SCOC: variants seen among roughly 807,000 people sequenced by gnomAD.
The protein encoded by SCOC is short coiled coil protein.
In SCOC, 7 loss-of-function variants were observed where a neutral mutation model predicts 9.9. The observed-to-expected ratio is 0.71, with a 90% CI of 0.40 to 1.33. SCOC has a LOEUF of 1.33. SCOC is among the 40% of genes most tolerant of loss of function. SCOC has a pLI of 0.01. For synonymous variants in SCOC, 19 were observed against 28.2 expected, an observed-to-expected ratio of 0.67 and a Z score of 1.03; for missense variants, 66 against 89.7, an observed-to-expected ratio of 0.74 and a Z score of 1.07.
At chr4:140,299,691 A>T (rs1305558824) in intron 1 of SCOC, among the ~76,000 whole-genome samples, 2 of 152,178 alleles carry the variant, frequency 1.3e-5, no homozygotes, top group Non-Finnish European at 2.9e-5. Context: ...TCTTTTTATT[A>T]TTTATGAGAC....
At chr4:140,351,679 C>T (rs950268135) in intron 2 of SCOC, among the ~76,000 whole-genome samples, 1 of 151,734 alleles carries the variant, frequency 6.6e-6, no homozygotes, top group South Asian at 2.1e-4. Context: ...GAAAGCAGCC[C>T]GGGTTTGAAA....
Position 140,381,246 on chromosome 4 carries a change from A to G in SCOC, c.*142A>G, listed in dbSNP as rs1728563443. ...TGTCAGATGTAGACAAAAATAACAC[A>G]ATAACAGGAGACTTCCATAAGTTTG... is the stretch of plus-strand genomic sequence containing the variant. On this transcript the variant is annotated 3_prime_UTR_variant, in exon 4 of 4. Transcript: ENST00000608372. 1.4e-6 allele frequency: 1 copy of G among 739,038 alleles called. No homozygotes were observed. The highest frequency in any genetic ancestry group is 2.1e-6 in the Non-Finnish European group (1 of 474,992). The allele number at this position is 739,038 out of a possible 1,614,324, so 45.8% of individuals were successfully genotyped here.
intron 1 of SCOC, among the ~76,000 whole-genome samples, chr4:140,295,882 G>A (rs1291320314): frequency 7.4e-6 from 1 of 134,534 alleles, no homozygotes; most frequent in Non-Finnish European, 1.5e-5. Flanking sequence ...AGTGAGCCAA[G>A]ATCGCTCCAC....
intron 1 of SCOC, among the ~76,000 whole-genome samples, chr4:140,311,757 C>G (rs1361386635): frequency 6.6e-6 from 1 of 152,028 alleles, no homozygotes; most frequent in Non-Finnish European, 1.5e-5. Flanking sequence ...ACATTTCTTA[C>G]CTGGGAAATT....
chr4:140,290,409 G>A (rs1731437372), intron 1 of SCOC, among the ~76,000 whole-genome samples: 1 of 152,170 alleles, frequency 6.6e-6, no homozygotes, highest in Non-Finnish European at 1.5e-5. Context: ...ATTGTGGAGG[G>A]TGGGCTCCCT....
intron 1 of SCOC, among the ~76,000 whole-genome samples, chr4:140,260,680 A>G (rs998533031): frequency 2.0e-5 from 3 of 152,194 alleles, no homozygotes; most frequent in African/African-American, 4.8e-5. Context: ...TTTAAAATGT[A>G]GGCTTCCAGG....
At chr4:140,323,943 G>C (rs767641905) in intron 1 of SCOC, among the ~76,000 whole-genome samples, 6 of 151,852 alleles carry the variant, frequency 4.0e-5, no homozygotes, top group Non-Finnish European at 8.8e-5. Flanking sequence ...CCCAAGATAC[G>C]TCATGAAAAT....
chr4:140,277,406 T>A (rs1199142291), intron 1 of SCOC, among the ~76,000 whole-genome samples: 1 of 152,200 alleles, frequency 6.6e-6, no homozygotes, highest in Admixed American at 6.5e-5. Flanking sequence ...AATCTTTTAT[T>A]AAAACTCTAA....
At chr4:140,335,563 C>T (rs1203305766) in intron 1 of SCOC, among the ~76,000 whole-genome samples, 1 of 152,130 alleles carries the variant, frequency 6.6e-6, no homozygotes, top group Non-Finnish European at 1.5e-5. Flanking sequence ...AGAAAGAGAA[C>T]CTTTTATACC....
intron 1 of SCOC, among the ~76,000 whole-genome samples, chr4:140,336,105 T>C (rs1732949697): frequency 6.6e-6 from 1 of 152,192 alleles, no homozygotes; most frequent in South Asian, 2.1e-4. Context: ...AATTGTAAAG[T>C]AGTTACAATT....
intron 2 of SCOC, among the ~76,000 whole-genome samples, chr4:140,355,630 T>C (rs1368199940): frequency 2.0e-5 from 3 of 152,226 alleles, no homozygotes; most frequent in Non-Finnish European, 4.4e-5. Flanking sequence ...TAATGAAATA[T>C]GGTCCTCTAG....
chr4:140,290,059 G>C (rs1411300825), intron 1 of SCOC, among the ~76,000 whole-genome samples: 1 of 152,224 alleles, frequency 6.6e-6, no homozygotes, highest in African/African-American at 2.4e-5. Context: ...GGCCAGCCCA[G>C]AGTCTCTTCT....
upstream of SCOC, chr4:140,343,414 T>C: frequency 2.2e-6 from 1 of 459,958 alleles, no homozygotes; most frequent in Non-Finnish European, 4.0e-6. Context: ...CGGTCAAGGG[T>C]TGTAAGTCAT....
At chr4:140,312,129 A>G (rs1357086807) in intron 1 of SCOC, among the ~76,000 whole-genome samples, 1 of 152,168 alleles carries the variant, frequency 6.6e-6, no homozygotes, top group Non-Finnish European at 1.5e-5. Flanking sequence ...AACATTTCTT[A>G]GCTGCTTTTA....
intron 2 of SCOC, among the ~76,000 whole-genome samples, chr4:140,356,464 C>A (rs1280160067): frequency 6.6e-6 from 1 of 152,190 alleles, no homozygotes; most frequent in Admixed American, 6.5e-5. Context: ...CAAAAAGTAT[C>A]ATTTTAAAAT....
chr4:140,288,007 G>T (rs997711393), intron 1 of SCOC, among the ~76,000 whole-genome samples: 1 of 151,726 alleles, frequency 6.6e-6, no homozygotes, highest in Non-Finnish European at 1.5e-5. Flanking sequence ...CACCACACAT[G>T]TACATACACC....
chr4:140,375,271 A>G (rs1421518554), intron 1 of SCOC, among the ~76,000 whole-genome samples: 1 of 152,240 alleles, frequency 6.6e-6, no homozygotes, highest in Non-Finnish European at 1.5e-5. Context: ...GCTAAAAGGT[A>G]GAGAAGACGA....
rs549401688 is a variant in SCOC at position 140,287,655 on chromosome 4, C to G, written c.-19+30245C>G. ...ACATGCCACACAGAGTATGCAGGTA[C>G]ATATACCACATGTCACACATATGTA... is the stretch of plus-strand genomic sequence containing the variant. On this transcript the variant is annotated intron_variant, in intron 1 of 4. Coordinates refer to the SCOC transcript ENST00000394205. Among the ~76,000 whole-genome samples, 12 of 152,150 alleles carry G rather than the reference C, an allele frequency of 7.9e-5. No homozygotes were observed. The East Asian group carries it at 2.3e-3, about 29-fold the overall frequency.
intron 1 of SCOC, among the ~76,000 whole-genome samples, chr4:140,320,068 T>C (rs1248175331): frequency 1.3e-5 from 2 of 152,124 alleles, no homozygotes; most frequent in East Asian, 3.9e-4. Context: ...TCCCAGATGG[T>C]TAGGCATTCT....
Sources: allele counts gnomAD v4.1 joint callset (sites outside exome capture counted in the v4.1 genomes callset), GRCh38; gene constraint gnomAD v4.1.1; transcripts MANE v1.5; gene names NCBI Gene and HGNC (gene_info 2026-07-23, HGNC 2026-07-21).